Variants in HOXB7 observed in about 807,000 individuals in gnomAD.
HOXB7 encodes the protein homeobox B7.
In HOXB7, 11 loss-of-function variants were observed where a neutral mutation model predicts 19.2. The observed-to-expected ratio is 0.57, with a 90% confidence interval of 0.36 to 0.95. HOXB7 has a LOEUF of 0.95. HOXB7 is among the 40% of genes least tolerant of loss of function. The pLI is 0.01. For missense variants in HOXB7, 318 were observed against 301.1 expected (o/e 1.06, Z -0.42); for synonymous variants, 141 against 130.2 (o/e 1.08, Z -0.56).
In HOXB7 at chr17:48,607,713, TG is replaced by T. The variant is rs1257111804; in HGVS notation, c.*128del. ...TTTCATTTAAATAGGGTTTTTTTTT[TG>T]TTTTTTTTGTTTTTTGTTTTGTTTT... is the stretch of plus-strand genomic sequence containing the variant. On this transcript the variant is annotated 3_prime_UTR_variant, in exon 2 of 2. Coordinates refer to ENST00000239165, the MANE Select transcript of HOXB7 (RefSeq NM_004502.4). The T allele has an allele frequency of 8.2e-5, 55 of 668,758 alleles. 1 individual carries two copies. The South Asian group carries it at 1.5e-3, about 18-fold the overall frequency. The allele number at this position is 668,758 out of a possible 1,614,324, so 41.4% of individuals were successfully genotyped here. A position where few individuals can be genotyped will look rare whatever the true frequency, so the allele number is the denominator to read the frequency against.
rs764814825 is a variant in HOXB7 at position 48,607,907 on chromosome 17, T to C, written c.589A>G (p.Lys197Glu). 2 of 1,614,028 alleles carry C rather than the reference T, an allele frequency of 1.2e-6. No homozygotes were observed. Among genetic ancestry groups the C allele is most frequent in the Non-Finnish European group, 1.7e-6 (2 of 1,179,992 alleles). The change falls in exon 2 of 2, where the codon AAG becomes GAG. Residue 197 changes from lysine (K) to glutamate (E), a missense_variant. Lys to Glu is a moderately conservative substitution (Grantham distance 56). Coordinates refer to ENST00000239165, the MANE Select transcript of HOXB7 (RefSeq NM_004502.4). ...NRRMKWKKEN[K>E]TAGPGTTGQD... Reference sequence around the variant, plus strand: ...CCGGTGGTCCCCGGGCCCGCGGTCTTGTTCTCCTTTTTCCACTTCATGCGC... The same window carrying C: ...CCGGTGGTCCCCGGGCCCGCGGTCTCGTTCTCCTTTTTCCACTTCATGCGC...
At position 48,610,687 on chromosome 17, in the gene HOXB7, AGCCGGCCGCGTAGAC is replaced by A. The variant is rs773865754; in HGVS notation, c.217_231del (p.Val73_Gly77del). 1.3e-6 allele frequency: 2 copies of A among 1,574,670 alleles called. No homozygotes were observed. The highest frequency in any genetic ancestry group is 2.3e-5 in the South Asian group (2 of 87,830). ...TTGAAGGAACTCGGCTCGAGCCCATAGCCGGCCGCGTAGACGCCGGCCGCGCTCTGGCCCGCCATG... is the reference window on the plus strand; with the variant it reads ...TTGAAGGAACTCGGCTCGAGCCCATAGCCGGCCGCGCTCTGGCCCGCCATG... On this transcript the variant is annotated inframe_deletion, in exon 1 of 2. Coordinates refer to ENST00000239165, the MANE Select transcript of HOXB7 (RefSeq NM_004502.4).
At chr17:48,610,047 C>T (rs866155342) in intron 1 of HOXB7, among the ~76,000 whole-genome samples, 2 of 135,526 alleles carry the variant, frequency 1.5e-5, no homozygotes, top group Admixed American at 7.5e-5. Flanking sequence ...TTGCTTAGCG[C>T]TATGGCCCCC....
intron 1 of HOXB7, 127 bp from the exon 2 acceptor site, chr17:48,608,222 G>A: frequency 1.6e-6 from 2 of 1,214,608 alleles, no homozygotes; most frequent in Non-Finnish European, 2.2e-6. Flanking sequence ...AGGAGATCGA[G>A]ACCAACCTGG....
chr17:48,610,954 A>C lies in HOXB7; in HGVS notation c.-36T>G. 1 of 1,456,630 alleles carries C rather than the reference A, an allele frequency of 6.9e-7. No individual in the cohort carries two copies. Among genetic ancestry groups the C allele is most frequent in the Non-Finnish European group, 9.1e-7 (1 of 1,099,208 alleles). The allele number at this position is 1,456,630 out of a possible 1,614,324, so 90.2% of individuals were successfully genotyped here. ...GATGATTTGTAGGCAGGGACGTTTT[A>C]GTGTCGGTTTTACGAGATTCCTTGA... On this transcript the variant is annotated 5_prime_UTR_variant, in exon 1 of 2. Coordinates refer to ENST00000239165, the MANE Select transcript of HOXB7 (RefSeq NM_004502.4).
In HOXB7 at chr17:48,610,830, G is replaced by A; in HGVS notation, c.89C>T (p.Thr30Ile). 1 of 1,579,814 alleles carries A rather than the reference G, an allele frequency of 6.3e-7. No individual in the cohort carries two copies. Among genetic ancestry groups the A allele is most frequent in the Non-Finnish European group, 8.6e-7 (1 of 1,166,350 alleles). ...VFATGAFPEQ[T>I]SCAFASNPQR... ...GGGGTTGGAAGCAAACGCACAAGAAGTTTGTTCTGGGAAGGCTCCGGTAGC... is the reference window on the plus strand; with the variant it reads ...GGGGTTGGAAGCAAACGCACAAGAAATTTGTTCTGGGAAGGCTCCGGTAGC... The change falls in exon 1 of 2, where the codon ACT (threonine) becomes ATT (isoleucine). Residue 30 changes from threonine (T) to isoleucine (I), a missense_variant. Transcript: ENST00000239165.
chr17:48,610,013 T>G (rs2070626667), intron 1 of HOXB7, among the ~76,000 whole-genome samples: 1 of 151,852 alleles, frequency 6.6e-6, no homozygotes, highest in African/African-American at 2.4e-5. Context: ...CGGGGTTGGC[T>G]GGAGAGGAAG....
At chr17:48,610,423 T>C (rs909116375) in intron 1 of HOXB7, 96 bp downstream of exon 1, 22 of 1,279,512 alleles carry the variant, frequency 1.7e-5, no homozygotes, top group Non-Finnish European at 2.0e-5. Context: ...GGGAGCACTC[T>C]GGACGCGGAA....
intron 1 of HOXB7, chr17:48,608,449 G>GAAAAAAAAAA (rs2070612084): frequency 6.7e-6 from 1 of 148,194 alleles, no homozygotes; most frequent in African/African-American, 2.7e-5. Flanking sequence ...AAAAAAAAAG[G>GAAAAAAAAAA]AAACGCCAAG....
At position 48,610,546 on chromosome 17, in the gene HOXB7, G is replaced by C. The variant is rs904113580; in HGVS notation, c.373C>G (p.Arg125Gly). 3.3e-6 allele frequency: 5 copies of C among 1,523,222 alleles called. No homozygotes were observed. The highest frequency in any genetic ancestry group is 4.2e-5 in the Admixed American group (2 of 48,166). The allele number at this position is 1,523,222 out of a possible 1,614,324, so 94.4% of individuals were successfully genotyped here. Reference protein sequence around the residue: ...DSDLAAESNFRIYPWMRSSGT... With the variant: ...DSDLAAESNFGIYPWMRSSGT... ...GAGCTTCGCATCCAGGGGTAGATCC[G>C]GAAGTTACTCTCGGCCGCCAAGTCC... The change falls in exon 1 of 2, where the codon CGG becomes GGG. Residue 125 changes from arginine (R) to glycine (G), a missense_variant. Physicochemically the swap from Arg to Gly is moderately radical, Grantham distance 125. Transcript: ENST00000239165.
rs758643585 is a variant in HOXB7 at position 48,608,010 on chromosome 17, C to A, written c.486G>T (p.Leu162=). The A allele has an allele frequency of 1.2e-6, 2 of 1,614,202 alleles. No homozygotes were observed. The highest frequency in any genetic ancestry group is 2.2e-5 in the South Asian group (2 of 91,078). The change falls in exon 2 of 2, where the codon CTG becomes CTT. Residue 162 remains leucine (L), a synonymous_variant. Transcript: ENST00000239165. ...CGATCTCGATGCGCCGCCGCCGCGT[C>A]AGGTAGCGATTGTAGTGAAATTCTT... ...LEKEFHYNRY[L]TRRRRIEIAH...
Position 48,610,757 on chromosome 17 carries a change from C to G in HOXB7, c.162G>C (p.Ser54=). Residue 54 remains serine (S), a synonymous_variant, in exon 1 of 2, where the codon TCG becomes TCC. Coordinates refer to ENST00000239165, the MANE Select transcript of HOXB7 (RefSeq NM_004502.4). ...GAGSGASFAA[S]MQGLYPGGGG... is the part of the protein sequence containing the mutation. Reference sequence around the variant, plus strand: ...CCCCGCCGGGGTACAAGCCCTGCATCGAGGCGGCGAAGGAAGCGCCCGAAC... The same window carrying G: ...CCCCGCCGGGGTACAAGCCCTGCATGGAGGCGGCGAAGGAAGCGCCCGAAC... 6.3e-7 allele frequency: 1 copy of G among 1,598,346 alleles called. No homozygotes were observed. The highest frequency in any genetic ancestry group is 1.1e-5 in the South Asian group (1 of 89,886).
intron 1 of HOXB7, among the ~76,000 whole-genome samples, chr17:48,608,553 C>G (rs1443977111): frequency 1.3e-5 from 2 of 152,016 alleles, no homozygotes; most frequent in Admixed American, 6.5e-5. Flanking sequence ...CAAATTCTGG[C>G]TTTTCATACC....
Position 48,610,769 on chromosome 17 carries a change from G to T in HOXB7, c.150C>A (p.Ser50=), listed in dbSNP as rs1355347601. The T allele has an allele frequency of 1.3e-6, 2 of 1,599,362 alleles. No homozygotes were observed. Among genetic ancestry groups the T allele is most frequent in the Non-Finnish European group, 1.7e-6 (2 of 1,171,852 alleles). ...RPGYGAGSGA[S]FAASMQGLYP... ...ACAAGCCCTGCATCGAGGCGGCGAA[G>T]GAAGCGCCCGAACCCGCTCCATAGC... Residue 50 remains serine, a synonymous_variant, in exon 1 of 2, where the codon TCC becomes TCA. Transcript: ENST00000239165.
chr17:48,610,439 C>A (rs2070631428), intron 1 of HOXB7, 80 bp downstream of exon 1: 1 of 1,329,618 alleles, frequency 7.5e-7, no homozygotes, highest in Non-Finnish European at 9.8e-7. Context: ...CGGAAAGGGG[C>A]GCCCAGCCGG....
Position 48,607,744 on chromosome 17 carries a change from C to A in HOXB7, c.*98G>T. The A allele has an allele frequency of 2.8e-5, 22 of 776,500 alleles. No homozygotes were observed. The highest frequency in any genetic ancestry group is 3.5e-5 in the South Asian group (1 of 28,256). 48.1% of individuals were successfully genotyped at this position (776,500 alleles called of 1,614,324 possible). On this transcript the variant is annotated 3_prime_UTR_variant, in exon 2 of 2. Transcript: ENST00000239165. ...TTTTGTTTTTTGTTTTGTTTTTTTACTTCCCTATTCGATTTGAGTTTCCTG... is the reference window on the plus strand; with the variant it reads ...TTTTGTTTTTTGTTTTGTTTTTTTAATTCCCTATTCGATTTGAGTTTCCTG...
At position 48,607,862 on chromosome 17, in the gene HOXB7, C is replaced by T; in HGVS notation, c.634G>A (p.Glu212Lys). ...GTTGQDRAEA[E>K]EEEEE The stretch of plus-strand genomic sequence containing the variant: ...ATCCCTCACTCTTCCTCTTCCTCCT[C>T]TGCTTCAGCCCTGTCTTGGCCGGTG... The change falls in exon 2 of 2, where the codon GAG (glutamate) becomes AAG (lysine). Residue 212 changes from glutamate (E) to lysine (K), a missense_variant. Glu to Lys is a moderately conservative substitution (Grantham distance 56). Coordinates refer to ENST00000239165, the MANE Select transcript of HOXB7 (RefSeq NM_004502.4). 1 of 1,613,810 alleles carries T rather than the reference C, an allele frequency of 6.2e-7. No homozygotes were observed.
intron 1 of HOXB7, among the ~76,000 whole-genome samples, 162 bp downstream of exon 1, chr17:48,610,356 GA>G (rs1313992733): frequency 6.6e-6 from 1 of 152,190 alleles, no homozygotes; most frequent in Non-Finnish European, 1.5e-5. Flanking sequence ...TGGGGGCGGG[GA>G]TGGCCTGCTG....
In HOXB7 at chr17:48,607,931, G is replaced by A. The variant is rs147661273; in HGVS notation, c.565C>T (p.Arg189Cys). Residue 189 changes from arginine to cysteine, a missense_variant, in exon 2 of 2, where the codon CGC becomes TGC. Physicochemically the swap from Arg to Cys is radical, Grantham distance 180. Transcript: ENST00000239165. ...TTGTTCTCCTTTTTCCACTTCATGCGCCGGTTCTGAAACCAAATCTTGATC... is the reference window on the plus strand; with the variant it reads ...TTGTTCTCCTTTTTCCACTTCATGCACCGGTTCTGAAACCAAATCTTGATC... ...RQIKIWFQNR[R>C]MKWKKENKTA... is the part of the protein sequence containing the mutation. 4.4e-4 allele frequency: 709 copies of A among 1,613,948 alleles called. 3 individuals carry two copies. The African/African-American group carries it at 8.2e-3, about 19-fold the overall frequency.
Sources: gnomAD v4.1 joint callset for allele counts (sites outside exome capture counted in the v4.1 genomes callset) on GRCh38, gnomAD v4.1.1 for gene constraint, MANE v1.5 for transcripts, NCBI Gene and HGNC (gene_info 2026-07-23, HGNC 2026-07-21) for gene names.